Variants in MICALL2 observed in about 807,000 individuals in gnomAD.
MICALL2 encodes MICAL like 2.
MICALL2 carries 111 observed loss-of-function variants against 91.1 expected under a neutral mutation model. The observed-to-expected ratio is 1.22, with a 90% CI of 1.04 to 1.43. MICALL2 has a LOEUF of 1.43. Among genes scored for constraint, MICALL2 ranks in the 40% most tolerant of loss-of-function variants. The pLI is 0.00. For synonymous variants in MICALL2, 694 were observed against 525.3 expected (o/e 1.32, Z -4.39); for missense variants, 1,556 against 1,236.0 (o/e 1.26, Z -3.88).
In MICALL2 at chr7:1,438,232, G is replaced by A. The variant is rs1393372019; in HGVS notation, c.2188-12C>T. The A allele has an allele frequency of 1.3e-6, 2 of 1,588,874 alleles. No homozygotes were observed. Among genetic ancestry groups the A allele is most frequent in the Non-Finnish European group, 8.6e-7 (1 of 1,167,830 alleles). Reference sequence around the variant, plus strand: ...TAGTCGGGGTGCAGCTGGGAACGGAGGGGCGGTGAGGATGCCGGAGGGCTG... The same window carrying A: ...TAGTCGGGGTGCAGCTGGGAACGGAAGGGCGGTGAGGATGCCGGAGGGCTG... On this transcript the variant is annotated splice_polypyrimidine_tract_variant and intron_variant, in intron 11 of 16. Coordinates refer to ENST00000297508, the MANE Select transcript of MICALL2 (RefSeq NM_182924.4).
Position 1,437,999 on chromosome 7 carries a change from TG to T in MICALL2, c.2312-20del. 6.4e-7 allele frequency: 1 copy of T among 1,551,024 alleles called. No individual in the cohort carries two copies. The highest frequency in any genetic ancestry group is 8.7e-7 in the Non-Finnish European group (1 of 1,147,926). ...GCGTCATCTGGGGAGAGGAGCCAGC[TG>T]GGGCAGGGGGGCCCGCCAGAGTTCA... On this transcript the variant is annotated intron_variant, in intron 12 of 16. Transcript: ENST00000297508.
At position 1,441,942 on chromosome 7, in the gene MICALL2, G is replaced by T; in HGVS notation, c.1711+250C>A. On this transcript the variant is annotated intron_variant, in intron 7 of 16. Transcript: ENST00000297508. Reference sequence around the variant, plus strand: ...CTGCAGGGCTGGGCTGCAGGCACCTGCAGGACGTGCGGATGGGGTGGGCTG... The same window carrying T: ...CTGCAGGGCTGGGCTGCAGGCACCTTCAGGACGTGCGGATGGGGTGGGCTG... 5.4e-6 allele frequency: 3 copies of T among 559,154 alleles called. No individual in the cohort carries two copies. The South Asian group carries it at 6.2e-5, about 12-fold the overall frequency. The allele number at this position is 559,154 out of a possible 1,614,324, so 34.6% of individuals were successfully genotyped here. A position where few individuals can be genotyped will look rare whatever the true frequency, so the allele number is the denominator to read the frequency against.
chr7:1,456,956 G>A (rs1781040365), intron 1 of MICALL2, among the ~76,000 whole-genome samples: 2 of 152,148 alleles, frequency 1.3e-5, no homozygotes, highest in South Asian at 4.1e-4. Context: ...CACAAACTCT[G>A]GGGCTTAAAA....
Position 1,459,314 on chromosome 7 carries a change from T to C in MICALL2, c.13A>G (p.Arg5Gly), listed in dbSNP as rs143075939. 1.5e-4 allele frequency: 240 copies of C among 1,556,492 alleles called. 1 individual carries two copies. The African/African-American group carries it at 2.9e-3, about 19-fold the overall frequency. The change falls in exon 1 of 17, where the codon AGG becomes GGG. Residue 5 changes from arginine (R) to glycine (G), a missense_variant. Coordinates refer to ENST00000297508, the MANE Select transcript of MICALL2 (RefSeq NM_182924.4). MAAI[R>G]ALQQWCRQQC... ...TGCCGGCACCACTGTTGCAGCGCCC[T>C]GATGGCCGCCATGTGGGCGGCGCGC...
intron 7 of MICALL2, chr7:1,440,888 C>T (rs900177582): frequency 3.5e-6 from 2 of 564,636 alleles, no homozygotes; most frequent in African/African-American, 1.9e-5. Flanking sequence ...TGCTGTGTGT[C>T]CCTGGGGGAA....
chr7:1,434,742 C>G (rs1779882648), intron 16 of MICALL2, 70 bp from the exon 17 acceptor site: 2 of 1,437,416 alleles, frequency 1.4e-6, no homozygotes, highest in Admixed American at 2.3e-5. Context: ...ACACAAGTCC[C>G]CCTGCCAGAA....
chr7:1,450,374 C>G, intron 1 of MICALL2, 86 bp from the exon 2 acceptor site: 1 of 1,141,554 alleles, frequency 8.8e-7, no homozygotes, highest in South Asian at 1.2e-5. Flanking sequence ...CTTGCCCAAA[C>G]AGAGAAACCG....
chr7:1,441,618 G>A (rs547419216), intron 7 of MICALL2: 3 of 158,610 alleles, frequency 1.9e-5, no homozygotes, highest in Admixed American at 5.9e-5. Context: ...ACCACCGGGG[G>A]GGACGGAGCA....
At chr7:1,439,330 G>A (rs897618708) in intron 9 of MICALL2, 33 of 317,304 alleles carry the variant, frequency 1.0e-4, no homozygotes, top group Non-Finnish European at 1.3e-4. Context: ...GAACACGGGT[G>A]CACACGTGGA....
chr7:1,438,265 G>A, intron 11 of MICALL2, 24 bp downstream of exon 11: 1 of 1,587,892 alleles, frequency 6.3e-7, no homozygotes, highest in Non-Finnish European at 8.6e-7. Context: ...CTGGGCCCCT[G>A]CCCGGCTCCC....
At chr7:1,435,274 T>G in intron 15 of MICALL2, 127 bp from the exon 16 acceptor site, 1 of 892,316 alleles carries the variant, frequency 1.1e-6, no homozygotes, top group Non-Finnish European at 1.8e-6. Context: ...CACCTGCCCC[T>G]TCCTGCTGAC....
At chr7:1,438,511 C>G (rs1376668406) in intron 10 of MICALL2, 158 bp from the exon 11 acceptor site, 7 of 1,442,562 alleles carry the variant, frequency 4.9e-6, no homozygotes, top group African/African-American at 1.4e-5. Context: ...TGACCCAGCC[C>G]CACAGACACC....
intron 4 of MICALL2, 129 bp from the exon 5 acceptor site, chr7:1,446,957 G>A (rs921266883): frequency 3.0e-6 from 2 of 673,094 alleles, no homozygotes; most frequent in African/African-American, 3.6e-5. Context: ...CCGCCAGCAG[G>A]GCTGCGGTCG....
At chr7:1,439,299 G>A (rs1201144354) in intron 9 of MICALL2, 2 of 388,318 alleles carry the variant, frequency 5.2e-6, no homozygotes, top group African/African-American at 2.0e-5. Flanking sequence ...AGATGTGTGT[G>A]CACACACACG....
At chr7:1,458,157 C>T (rs537196452) in intron 1 of MICALL2, among the ~76,000 whole-genome samples, 1 of 152,340 alleles carries the variant, frequency 6.6e-6, no homozygotes, top group Non-Finnish European at 1.5e-5. Flanking sequence ...GTGGGACTGG[C>T]AGGACAGTGT....
intron 10 of MICALL2, 54 bp downstream of exon 10, chr7:1,438,786 A>G: frequency 6.5e-7 from 1 of 1,546,698 alleles, no homozygotes; most frequent in Non-Finnish European, 8.7e-7. Context: ...GCCTCCTCAG[A>G]GGAAGGCTCC....
chr7:1,447,413 C>G (rs980652774), intron 4 of MICALL2, among the ~76,000 whole-genome samples, 162 bp downstream of exon 4: 2 of 152,286 alleles, frequency 1.3e-5, no homozygotes, highest in African/African-American at 2.4e-5. Flanking sequence ...CCCTGGAGAG[C>G]CCGGTCCTGG....
intron 5 of MICALL2, 50 bp downstream of exon 5, chr7:1,446,663 T>C: frequency 7.2e-7 from 1 of 1,386,602 alleles, no homozygotes; most frequent in Non-Finnish European, 9.9e-7. Flanking sequence ...GTGGGAGGGT[T>C]CTGGGAGGGG....
Position 1,445,062 on chromosome 7 carries a change from G to A in MICALL2, c.1008C>T (p.Val336=). 1 of 1,548,968 alleles carries A rather than the reference G, an allele frequency of 6.5e-7. No homozygotes were observed. Among genetic ancestry groups the A allele is most frequent in the South Asian group, 1.2e-5 (1 of 84,070 alleles). ...GGGAGCTATTGGTCACACGAGGGCG[G>A]ACTTTCCCCTCCGTGGGAGTGGGGG... ...RLAPTPTEGK[V]RPRVTNSSPM... is the part of the protein sequence containing the mutation. The change falls in exon 6 of 17, where the codon GTC becomes GTT. Residue 336 remains valine (V), a synonymous_variant. Coordinates refer to ENST00000297508, the MANE Select transcript of MICALL2 (RefSeq NM_182924.4).
Sources: allele counts gnomAD v4.1 joint callset (sites outside exome capture counted in the v4.1 genomes callset), GRCh38; gene constraint gnomAD v4.1.1; transcripts MANE v1.5; gene names NCBI Gene and HGNC (gene_info 2026-07-23, HGNC 2026-07-21).